The following YWHAH variants were observed in gnomAD, a reference collection of about 807,000 sequenced individuals.
YWHAH encodes 14-3-3 protein eta.
A neutral mutation model predicts 22.9 loss-of-function variants in YWHAH; 6 were observed. That is an observed-to-expected ratio of 0.26 (90% CI 0.14 to 0.52). The LOEUF (loss-of-function observed/expected upper bound fraction) is 0.52. Among genes scored for constraint, YWHAH ranks in the 20% least tolerant of loss-of-function variants. The probability of loss-of-function intolerance (pLI) is 0.97; values close to 1 mark genes in which losing one functional copy is unlikely to be tolerated. For missense variants in YWHAH, 173 were observed against 308.6 expected (o/e 0.56, Z 3.29); for synonymous variants, 135 against 124.5 (o/e 1.08, Z -0.56).
chr22:31,955,405 C>T (rs1365843617), intron 1 of YWHAH, among the ~76,000 whole-genome samples: 1 of 150,152 alleles, frequency 6.7e-6, no homozygotes, highest in Non-Finnish European at 1.5e-5. Context: ...GAACATTTGA[C>T]AAAGGGACCG....
At chr22:31,950,326 C>G (rs1479355864) in intron 1 of YWHAH, 5 of 779,402 alleles carry the variant, frequency 6.4e-6, no homozygotes, top group Middle Eastern at 2.3e-4. Context: ...TAAAATTCCT[C>G]CTAGTGTCCA....
intron 1 of YWHAH, chr22:31,945,065 A>AG (rs2149465777): frequency 5.4e-6 from 6 of 1,102,490 alleles, no homozygotes; most frequent in Non-Finnish European, 6.6e-6. Flanking sequence ...CAGCCCCGGA[A>AG]GGGGGGCGGG....
chr22:31,945,684 T>C (rs1254561031), intron 1 of YWHAH: 2 of 1,094,374 alleles, frequency 1.8e-6, no homozygotes, highest in Admixed American at 2.7e-5. Flanking sequence ...TTTCTGTAAA[T>C]GAATATTTCC....
chr22:31,946,548 C>T (rs1219016898), intron 1 of YWHAH, among the ~76,000 whole-genome samples: 3 of 151,874 alleles, frequency 2.0e-5, no homozygotes, highest in Non-Finnish European at 2.9e-5. Context: ...GTGTTCGGAG[C>T]CCTTTGGGAA....
Position 31,956,549 on chromosome 22 carries a change from A to G in YWHAH, c.498A>G (p.Gln166=), listed in dbSNP as rs1366601516. 6.2e-7 allele frequency: 1 copy of G among 1,614,158 alleles called. No homozygotes were observed. The highest frequency in any genetic ancestry group is 8.5e-7 in the Non-Finnish European group (1 of 1,180,026). ...EAFEISKEQM[Q]PTHPIRLGLA... is the part of the protein sequence containing the mutation. ...TTGAAATCAGCAAAGAGCAGATGCA[A>G]CCCACGCATCCCATCCGGCTGGGCC... Residue 166 remains glutamine (Q), a synonymous_variant, in exon 2 of 2, where the codon CAA becomes CAG. Transcript: ENST00000248975. This position sits in a 1 kb window ranked among gnomAD's most constrained non-coding sequence, Gnocchi z 5.1.
rs1468961207 is a variant in YWHAH, at chr22:31,944,852, G to T, written c.87+32G>T. 1.7e-5 allele frequency: 7 copies of T among 411,326 alleles called. 1 individual carries two copies. The highest frequency in any genetic ancestry group is 9.4e-5 in the South Asian group (2 of 21,222). The allele number at this position is 411,326 out of a possible 1,614,324, so 25.5% of individuals were successfully genotyped here. ...GCGCCGGGAGCCCGGGCGGCTGGCC[G>T]GGGGGGGCCTGGCGTTGGGGAGGGA... On this transcript the variant is annotated intron_variant, in intron 1 of 1. Coordinates refer to ENST00000248975, the MANE Select transcript of YWHAH (RefSeq NM_003405.4).
At chr22:31,949,423 C>T (rs1287117535) in intron 1 of YWHAH, among the ~76,000 whole-genome samples, 9 of 152,020 alleles carry the variant, frequency 5.9e-5, no homozygotes, top group African/African-American at 1.7e-4. Flanking sequence ...GGATTACAGG[C>T]GTGAGCCACT....
intron 1 of YWHAH, among the ~76,000 whole-genome samples, chr22:31,949,004 C>G (rs143151753): frequency 7.9e-5 from 12 of 152,170 alleles, no homozygotes; most frequent in Admixed American, 7.9e-4. Context: ...TTTAGTTGGT[C>G]TTTGTCTGGG....
Position 31,944,733 on chromosome 22 carries a change from C to T in YWHAH, c.-1C>T. ...CGAGGCGAGGCCGAGCCGCGAGCGA[C>T]ATGGGGGACCGGGAGCAGCTGCTGC... On this transcript the variant is annotated 5_prime_UTR_variant, in exon 1 of 2. Coordinates refer to ENST00000248975, the MANE Select transcript of YWHAH (RefSeq NM_003405.4). 7.1e-7 allele frequency: 1 copy of T among 1,406,736 alleles called. No individual in the cohort carries two copies. The highest frequency in any genetic ancestry group is 9.3e-7 in the Non-Finnish European group (1 of 1,073,202). The allele number at this position is 1,406,736 out of a possible 1,614,324, so 87.1% of individuals were successfully genotyped here.
chr22:31,947,934 A>G (rs2093837246), intron 1 of YWHAH, among the ~76,000 whole-genome samples: 1 of 152,238 alleles, frequency 6.6e-6, no homozygotes, highest in African/African-American at 2.4e-5. Context: ...CATAGATGGT[A>G]ACTGTAAAGT....
intron 1 of YWHAH, among the ~76,000 whole-genome samples, chr22:31,949,401 C>T (rs1473248456): frequency 1.3e-5 from 2 of 152,208 alleles, no homozygotes; most frequent in East Asian, 3.9e-4. Context: ...GCCTCGGCCT[C>T]CCAAAGTACT....
In YWHAH at chr22:31,950,711, A is replaced by G. The variant is rs532753760; in HGVS notation, c.88-5428A>G. The stretch of plus-strand genomic sequence containing the variant: ...GTTTAGCCTATTTGTGGTCTTACAG[A>G]ATTGCAGCCTCATCCTGGTGAGGAT... On this transcript the variant is annotated intron_variant, in intron 1 of 1. Coordinates refer to ENST00000248975, the MANE Select transcript of YWHAH (RefSeq NM_003405.4). Among the ~76,000 whole-genome samples the G allele has an allele frequency of 5.2e-4, 79 of 152,174 alleles. 2 individuals are homozygous for G. The South Asian group carries it at 0.016, about 31-fold the overall frequency.
At chr22:31,944,942 G>C in intron 1 of YWHAH, 122 bp downstream of exon 1, 3 of 1,120,940 alleles carry the variant, frequency 2.7e-6, no homozygotes, top group Non-Finnish European at 2.2e-6. Context: ...GCTGGGCGTG[G>C]CCGCCCGCCC....
At chr22:31,951,220 C>T (rs1045731693) in intron 1 of YWHAH, among the ~76,000 whole-genome samples, 4 of 152,160 alleles carry the variant, frequency 2.6e-5, no homozygotes, top group East Asian at 3.9e-4. Context: ...TGACTTTTCT[C>T]ACACAGACAC....
intron 1 of YWHAH, chr22:31,950,312 C>T (rs2093841488): frequency 1.3e-6 from 1 of 778,994 alleles, no homozygotes; most frequent in African/African-American, 1.7e-5. Flanking sequence ...CTCTAGGTTG[C>T]TGGTAAAATT....
In YWHAH at chr22:31,949,136, C is replaced by CTTTTTTTTTTT. The variant is rs760273556; in HGVS notation, c.87+4328_87+4338dup. Among the ~76,000 whole-genome samples the CTTTTTTTTTTT allele has an allele frequency of 1.4e-4, 14 of 99,082 alleles. 1 individual carries two copies. Among genetic ancestry groups the CTTTTTTTTTTT allele is most frequent in the African/African-American group, 2.8e-4 (6 of 21,738 alleles). The allele number at this position is 99,082 out of a possible 152,430, so 65.0% of individuals were successfully genotyped here. A position where few individuals can be genotyped will look rare whatever the true frequency, so the allele number is the denominator to read the frequency against. On this transcript the variant is annotated intron_variant, in intron 1 of 1. Transcript: ENST00000248975. ...TAGCAAGTTTATATAACATATTTTA[C>CTTTTTTTTTTT]TTTTTTTTTTTTTTTTTTTTTTGAG...
intron 1 of YWHAH, among the ~76,000 whole-genome samples, chr22:31,947,931 GGTAACT>G (rs1390066259): frequency 6.6e-6 from 1 of 152,132 alleles, no homozygotes; most frequent in Non-Finnish European, 1.5e-5. Flanking sequence ...AAACATAGAT[GGTAACT>G]GTAAAGTTAT....
At position 31,956,444 on chromosome 22, in the gene YWHAH, C is replaced by T. The variant is rs2093849700; in HGVS notation, c.393C>T (p.Tyr131=). 1 of 1,614,182 alleles carries T rather than the reference C, an allele frequency of 6.2e-7. No homozygotes were observed. The highest frequency in any genetic ancestry group is 8.5e-7 in the Non-Finnish European group (1 of 1,180,036). Residue 131 remains tyrosine, a synonymous_variant, in exon 2 of 2, where the codon TAC becomes TAT. Transcript: ENST00000248975. This position sits in a 1 kb window ranked among gnomAD's most constrained non-coding sequence, Gnocchi z 5.1. ...VFYLKMKGDY[Y]RYLAEVASGE... ...ACCTGAAAATGAAGGGTGATTACTA[C>T]CGCTACTTAGCAGAGGTCGCTTCTG... is the stretch of plus-strand genomic sequence containing the variant.
chr22:31,946,986 T>A (rs1177321247), intron 1 of YWHAH, among the ~76,000 whole-genome samples: 1 of 152,172 alleles, frequency 6.6e-6, no homozygotes, highest in Non-Finnish European at 1.5e-5. Flanking sequence ...ATTGTGCTTA[T>A]AGGTATTTTC....
Sources: gnomAD v4.1 joint callset for allele counts (sites outside exome capture counted in the v4.1 genomes callset) on GRCh38, gnomAD v4.1.1 for gene constraint, Gnocchi (gnomAD v3.1) non-coding constraint, MANE v1.5 for transcripts, NCBI Gene and HGNC (gene_info 2026-07-23, HGNC 2026-07-21) for gene names.